Variants in GPCPD1 observed in about 807,000 individuals in gnomAD.
The protein encoded by GPCPD1 is glycerophosphocholine phosphodiesterase 1, also known as glycerophosphocholine phosphodiesterase GPCPD1.
In GPCPD1, 29 loss-of-function variants were observed where a neutral mutation model predicts 89.2. That is an observed-to-expected ratio of 0.33 (90% CI 0.24 to 0.44). The LOEUF (loss-of-function observed/expected upper bound fraction) is 0.44, where lower values mean the gene tolerates loss of function less well. GPCPD1 is among the 20% of genes least tolerant of loss of function. The pLI is 1.00. For missense variants in GPCPD1, 594 were observed against 808.9 expected (o/e 0.73, Z 3.22); for synonymous variants, 258 against 266.3 (o/e 0.97, Z 0.30).
intron 6 of GPCPD1, among the ~76,000 whole-genome samples, chr20:5,581,960 G>A (rs1433078897): frequency 6.8e-6 from 1 of 147,506 alleles, no homozygotes; most frequent in Admixed American, 6.8e-5. Flanking sequence ...CGAGGCGGGC[G>A]GATCACGAGG....
intron 19 of GPCPD1, chr20:5,548,498 T>G (rs992446760): frequency 6.6e-6 from 1 of 152,320 alleles, no homozygotes; most frequent in South Asian, 2.1e-4. Flanking sequence ...CTAATAAATA[T>G]CTGACTGTAT....
intron 3 of GPCPD1, among the ~76,000 whole-genome samples, chr20:5,594,294 A>G (rs1979544282): frequency 6.6e-6 from 1 of 151,166 alleles, no homozygotes. Flanking sequence ...CCTCCAGGTA[A>G]CTTTTTTTTT....
At chr20:5,585,988 T>C (rs1363094691) in intron 5 of GPCPD1, 1 of 427,764 alleles carries the variant, frequency 2.3e-6, no homozygotes, top group Non-Finnish European at 4.2e-6. Flanking sequence ...AATATCTAGG[T>C]AAATATTTCT....
At chr20:5,568,536 C>CAGATCATAT (rs1197780072) in intron 12 of GPCPD1, among the ~76,000 whole-genome samples, 2 of 152,048 alleles carry the variant, frequency 1.3e-5, no homozygotes, top group African/African-American at 4.8e-5. Flanking sequence ...CATTCAGGTT[C>CAGATCATAT]AACTTCAGAT....
intron 2 of GPCPD1, among the ~76,000 whole-genome samples, chr20:5,599,875 AGGTAAT>A (rs1345037128): frequency 6.6e-6 from 1 of 152,152 alleles, no homozygotes; most frequent in East Asian, 1.9e-4. Flanking sequence ...TTCTTAACTA[AGGTAAT>A]GTATCATTTC....
intron 17 of GPCPD1, among the ~76,000 whole-genome samples, chr20:5,559,340 C>A (rs1254981876): frequency 7.2e-5 from 11 of 152,270 alleles, no homozygotes; most frequent in Non-Finnish European, 2.9e-5. Context: ...GTAATCCACA[C>A]TTTGGAAAGC....
intron 19 of GPCPD1, chr20:5,549,610 T>A (rs115950049): frequency 2.3e-4 from 127 of 547,448 alleles, no homozygotes; most frequent in African/African-American, 1.9e-3. Flanking sequence ...TTAATTTCCA[T>A]CCAAATGTTG....
chr20:5,575,701 A>C, intron 9 of GPCPD1, 115 bp downstream of exon 9: 3 of 888,328 alleles, frequency 3.4e-6, no homozygotes, highest in Non-Finnish European at 5.3e-6. Context: ...ATGCTCCTTA[A>C]ATTGATACTA....
chr20:5,602,706 G>A (rs775696310), intron 2 of GPCPD1, among the ~76,000 whole-genome samples: 12 of 152,156 alleles, frequency 7.9e-5, no homozygotes, highest in Admixed American at 4.6e-4. Context: ...GACCAGGCAC[G>A]GTCTGTAATC....
At chr20:5,583,565 A>C (rs964436472) in intron 6 of GPCPD1, among the ~76,000 whole-genome samples, 1 of 152,174 alleles carries the variant, frequency 6.6e-6, no homozygotes, top group African/African-American at 2.4e-5. Flanking sequence ...AGAAAATTAG[A>C]ATTCTCAGGA....
chr20:5,570,279 T>A (rs1370984022), intron 11 of GPCPD1, 40 bp from the exon 12 acceptor site: 1 of 978,336 alleles, frequency 1.0e-6, no homozygotes, highest in East Asian at 2.4e-5. Flanking sequence ...CATTGCCTGG[T>A]ACACAGTACC....
intron 15 of GPCPD1, among the ~76,000 whole-genome samples, chr20:5,562,982 A>T: frequency 6.8e-6 from 1 of 148,090 alleles, no homozygotes; most frequent in African/African-American, 2.6e-5. Flanking sequence ...TGGCGTTAAA[A>T]TTTCTTTTTT....
At chr20:5,549,471 T>A in intron 19 of GPCPD1, 1 of 1,212,834 alleles carries the variant, frequency 8.2e-7, no homozygotes. Flanking sequence ...AAAAATAGGT[T>A]TGTTGTTTAA....
intron 3 of GPCPD1, among the ~76,000 whole-genome samples, chr20:5,598,300 G>A (rs1165091382): frequency 1.3e-5 from 2 of 152,112 alleles, no homozygotes; most frequent in Admixed American, 1.3e-4. Context: ...CAGCTACTCA[G>A]GAGGCTGAGG....
rs1161258935 is a variant in GPCPD1, at chr20:5,544,995, ACATTTACAGCCGAT to A, written c.*2652_*2665del. 6.6e-6 allele frequency: 1 copy of A among 152,180 alleles called. No individual in the cohort carries two copies. Among genetic ancestry groups the A allele is most frequent in the African/African-American group, 2.4e-5 (1 of 41,444 alleles). 9.4% of individuals were successfully genotyped at this position (152,180 alleles called of 1,614,324 possible). A position where few individuals can be genotyped will look rare whatever the true frequency, so the allele number is the denominator to read the frequency against. Reference sequence around the variant, plus strand: ...CACACAGGGGTGGGTGGTGTGCCTCACATTTACAGCCGATCATTTACAGCACATAATTCCAGAGA... The same window carrying A: ...CACACAGGGGTGGGTGGTGTGCCTCACATTTACAGCACATAATTCCAGAGA... On this transcript the variant is annotated 3_prime_UTR_variant, in exon 20 of 20. Coordinates refer to ENST00000379019, the MANE Select transcript of GPCPD1 (RefSeq NM_019593.5).
In GPCPD1 at chr20:5,547,250, TC is replaced by T. The variant is rs982890449; in HGVS notation, c.*410del. ...CATGCATTTGAGGTACTTATTTTTT[TC>T]ATGGTCAGGTATAATTATGCATAGT... On this transcript the variant is annotated 3_prime_UTR_variant, in exon 20 of 20. Coordinates refer to ENST00000379019, the MANE Select transcript of GPCPD1 (RefSeq NM_019593.5). 6.5e-6 allele frequency: 1 copy of T among 152,734 alleles called. No homozygotes were observed. The highest frequency in any genetic ancestry group is 2.4e-5 in the African/African-American group (1 of 41,458). 9.5% of individuals were successfully genotyped at this position (152,734 alleles called of 1,614,324 possible).
intron 6 of GPCPD1, among the ~76,000 whole-genome samples, chr20:5,583,619 A>G (rs938748952): frequency 1.3e-5 from 2 of 152,222 alleles, no homozygotes; most frequent in African/African-American, 4.8e-5. Context: ...AACATTTTCA[A>G]CATATTCAGA....
rs555248321 is a variant in GPCPD1 at position 5,608,872 on chromosome 20, G to A, written c.-29+1970C>T. On this transcript the variant is annotated intron_variant, in intron 1 of 19. Coordinates refer to ENST00000379019, the MANE Select transcript of GPCPD1 (RefSeq NM_019593.5). ...ATGGCATTCTCATCTGAGATTCTGG[G>A]TAGTATTTAAATAACCCTTTTTAAA... Among the ~76,000 whole-genome samples the A allele has an allele frequency of 5.9e-5, 9 of 152,242 alleles. No homozygotes were observed. The South Asian group carries it at 1.9e-3, about 32-fold the overall frequency.
intron 4 of GPCPD1, among the ~76,000 whole-genome samples, chr20:5,586,621 T>C (rs867701372): frequency 6.6e-6 from 1 of 152,234 alleles, no homozygotes; most frequent in Non-Finnish European, 1.5e-5. Flanking sequence ...CTTTCTTTGG[T>C]ATGTCAGCCA....
Sources: gnomAD v4.1 joint callset for allele counts (sites outside exome capture counted in the v4.1 genomes callset) on GRCh38, gnomAD v4.1.1 for gene constraint, MANE v1.5 for transcripts, NCBI Gene and HGNC (gene_info 2026-07-23, HGNC 2026-07-21) for gene names.